R3HDM2: variants seen among roughly 807,000 people sequenced by gnomAD.
R3HDM2 encodes R3H domain containing 2.
A neutral mutation model predicts 124.5 loss-of-function variants in R3HDM2; 38 were observed. The observed-to-expected ratio is 0.31, with a 90% confidence interval of 0.24 to 0.40. The LOEUF is 0.40. Ranked by LOEUF, R3HDM2 falls within the 10% of genes least tolerant of loss-of-function variation. The probability of loss-of-function intolerance (pLI) is 1.00; values close to 1 mark genes in which losing one functional copy is unlikely to be tolerated. For missense variants in R3HDM2, 869 were observed against 1,236.9 expected, an observed-to-expected ratio of 0.70 and a Z score of 4.46; for synonymous variants, 391 against 448.0, an observed-to-expected ratio of 0.87 and a Z score of 1.61.
At position 57,296,259 on chromosome 12, in the gene R3HDM2, CT is replaced by C. The variant is rs1354302192; in HGVS notation, c.701+151del. On this transcript the variant is annotated intron_variant, in intron 9 of 23. Coordinates refer to ENST00000402412, the MANE Select transcript of R3HDM2 (RefSeq NM_001394031.1). The surrounding 1 kb of genome is among the most constrained non-coding windows in gnomAD (Gnocchi z 4.5). ...TCTCGAACTCCTGGCTTCAAGCAGT[CT>C]TCCCATCTTGGCCTCCCAAAGTGCT... Among the ~76,000 whole-genome samples, 1 of 151,858 alleles carries C rather than the reference CT, an allele frequency of 6.6e-6. No individual in the cohort carries two copies. The highest frequency in any genetic ancestry group is 1.5e-5 in the Non-Finnish European group (1 of 67,986).
intron 3 of R3HDM2, chr12:57,305,703 T>C (rs1305793921): frequency 2.5e-6 from 1 of 398,764 alleles, no homozygotes; most frequent in Non-Finnish European, 4.4e-6. Context: ...ATACAGTACA[T>C]TAAGTGTACT....
At chr12:57,427,274 G>A (rs1243442671) in intron 1 of R3HDM2, among the ~76,000 whole-genome samples, 1 of 147,908 alleles carries the variant, frequency 6.8e-6, no homozygotes, top group Admixed American at 6.9e-5. Flanking sequence ...CTGGGCGACA[G>A]ACAGAGGTTC....
At chr12:57,258,697 CA>C (rs2137014872) in intron 20 of R3HDM2, among the ~76,000 whole-genome samples, 192 bp downstream of exon 20, 1 of 152,248 alleles carries the variant, frequency 6.6e-6, no homozygotes, top group African/African-American at 2.4e-5. Flanking sequence ...TGAGCATTTT[CA>C]AGTGTGTATC....
chr12:57,430,712 G>T lies in R3HDM2; in HGVS notation c.-106+8C>A, dbSNP rs1869697864. The stretch of plus-strand genomic sequence containing the variant: ...CCGCCCGCCCCCTCGGCCGGGAGGT[G>T]GCCTCACCTCGCACGGGCCTTGGCG... On this transcript the variant is annotated splice_region_variant and intron_variant, in intron 1 of 23. Transcript: ENST00000402412. 2 of 426,408 alleles carry T rather than the reference G, an allele frequency of 4.7e-6. No individual in the cohort carries two copies. The highest frequency in any genetic ancestry group is 6.2e-6 in the Non-Finnish European group (2 of 320,538). 26.4% of individuals were successfully genotyped at this position (426,408 alleles called of 1,614,324 possible).
chr12:57,396,777 C>CA (rs35199480), intron 1 of R3HDM2, among the ~76,000 whole-genome samples: 57 of 104,836 alleles, frequency 5.4e-4, no homozygotes, highest in African/African-American at 1.8e-3. Flanking sequence ...GACTCTGTCT[C>CA]AAAAAAAAAA....
At chr12:57,320,602 A>G (rs1044997558) in intron 2 of R3HDM2, among the ~76,000 whole-genome samples, 5 of 152,224 alleles carry the variant, frequency 3.3e-5, no homozygotes, top group Non-Finnish European at 7.4e-5. Flanking sequence ...GGGGACTGTG[A>G]GATGTCGGGG....
At position 57,258,042 on chromosome 12, in the gene R3HDM2, G is replaced by A. The variant is rs1442774775; in HGVS notation, c.2397C>T (p.Leu799=). The A allele has an allele frequency of 8.1e-6, 13 of 1,598,040 alleles. No individual in the cohort carries two copies. In the South Asian group the frequency reaches 1.2e-4, roughly 15 times the overall value. The part of the protein sequence containing the change: ...VTSLSSVCTG[L]SPLPVLTQFP... Reference sequence around the variant, plus strand: ...ACTGTGTGAGGACAGGCAGGGGACTGAGTCCTGTGCAGACACTGCTGAGGC... The same window carrying A: ...ACTGTGTGAGGACAGGCAGGGGACTAAGTCCTGTGCAGACACTGCTGAGGC... Residue 799 remains leucine (L), a synonymous_variant, in exon 21 of 24, where the codon CTC becomes CTT. Coordinates refer to ENST00000402412, the MANE Select transcript of R3HDM2 (RefSeq NM_001394031.1).
chr12:57,262,922 A>C (rs11172139), intron 19 of R3HDM2, among the ~76,000 whole-genome samples: 57,310 of 152,038 alleles, frequency 0.38, 12,180 homozygotes, highest in Middle Eastern at 0.75. Flanking sequence ...AAAGGAGATA[A>C]AACTGAGAAA....
intron 2 of R3HDM2, among the ~76,000 whole-genome samples, chr12:57,390,499 A>G (rs1169398495): frequency 6.6e-6 from 1 of 151,672 alleles, no homozygotes; most frequent in Admixed American, 6.6e-5. Context: ...GGAGTTCAAG[A>G]CCAGCTTGGC....
At position 57,269,838 on chromosome 12, in the gene R3HDM2, G is replaced by A. The variant is rs2043202906; in HGVS notation, c.1501C>T (p.Pro501Ser). The change falls in exon 15 of 24, where the codon CCC becomes TCC. Residue 501 changes from proline to serine, a missense_variant. Physicochemically the swap from Pro to Ser is moderately conservative, Grantham distance 74. Coordinates refer to ENST00000402412, the MANE Select transcript of R3HDM2 (RefSeq NM_001394031.1). ...FIMASTGQPL[P>S]TSNYSTSSHA... The stretch of plus-strand genomic sequence containing the variant: ...CTAGAGGTGGAATAGTTGGAAGTGG[G>A]GAGGGGCTGACCCGTGGAAGCCATG... 2.5e-6 allele frequency: 4 copies of A among 1,614,142 alleles called. No homozygotes were observed. The highest frequency in any genetic ancestry group is 3.4e-6 in the Non-Finnish European group (4 of 1,180,014).
chr12:57,345,164 A>AT (rs1012036756), intron 2 of R3HDM2, among the ~76,000 whole-genome samples: 2 of 152,088 alleles, frequency 1.3e-5, no homozygotes, highest in Admixed American at 6.6e-5. Flanking sequence ...GGGAAAAAAA[A>AT]ACCAGATCAT....
At chr12:57,376,224 C>T (rs1398013851) in intron 2 of R3HDM2, among the ~76,000 whole-genome samples, 1 of 152,246 alleles carries the variant, frequency 6.6e-6, no homozygotes, top group African/African-American at 2.4e-5. Context: ...CCTGAAGAGC[C>T]TTACTCGACT....
rs375996467 is a variant in R3HDM2 at position 57,402,765 on chromosome 12, G to A, written c.-105-6947C>T. 7.9e-5 allele frequency among the ~76,000 whole-genome samples: 12 copies of A among 151,736 alleles called. No individual in the cohort carries two copies. The East Asian group carries it at 1.2e-3, about 15-fold the overall frequency. ...AGTCTGGGCAACAAAGCAGGACTCTGTCTCCAAAAAAAAACTCCTGGCCTC... is the reference window on the plus strand; with the variant it reads ...AGTCTGGGCAACAAAGCAGGACTCTATCTCCAAAAAAAAACTCCTGGCCTC... On this transcript the variant is annotated intron_variant, in intron 1 of 23. Coordinates refer to ENST00000402412, the MANE Select transcript of R3HDM2 (RefSeq NM_001394031.1).
intron 2 of R3HDM2, among the ~76,000 whole-genome samples, chr12:57,330,053 G>A (rs1184956086): frequency 6.6e-6 from 1 of 152,024 alleles, no homozygotes; most frequent in Non-Finnish European, 1.5e-5. Flanking sequence ...CGCAACCTCC[G>A]CCTCCCGGGT....
intron 2 of R3HDM2, among the ~76,000 whole-genome samples, chr12:57,343,704 C>A (rs1255863601): frequency 7.1e-6 from 1 of 140,574 alleles, no homozygotes; most frequent in African/African-American, 2.7e-5. Context: ...TTACTATGGA[C>A]AGGAACTAAG....
intron 1 of R3HDM2, among the ~76,000 whole-genome samples, chr12:57,423,569 T>C (rs1460601388): frequency 1.3e-5 from 2 of 151,940 alleles, no homozygotes; most frequent in South Asian, 2.1e-4. Context: ...CCCAGCACTT[T>C]GGGAGGCCGA....
chr12:57,359,745 CCT>C (rs2061661277), intron 2 of R3HDM2, among the ~76,000 whole-genome samples: 1 of 149,280 alleles, frequency 6.7e-6, no homozygotes, highest in Admixed American at 6.9e-5. Context: ...TGTTCATTTT[CCT>C]TTTTCTCTCA....
At chr12:57,399,088 C>T (rs1398531130) in intron 1 of R3HDM2, among the ~76,000 whole-genome samples, 1 of 152,138 alleles carries the variant, frequency 6.6e-6, no homozygotes, top group Non-Finnish European at 1.5e-5. Context: ...CTGAACTCAG[C>T]CATCTGACTA....
intron 4 of R3HDM2, among the ~76,000 whole-genome samples, chr12:57,301,927 G>A (rs572485975): frequency 6.6e-6 from 1 of 152,330 alleles, no homozygotes; most frequent in East Asian, 1.9e-4. Flanking sequence ...AATCTGTGAT[G>A]TGCTAAGTTT....
Sources: allele counts gnomAD v4.1 joint callset (sites outside exome capture counted in the v4.1 genomes callset), GRCh38; gene constraint gnomAD v4.1.1; non-coding constraint Gnocchi (gnomAD v3.1); transcripts MANE v1.5; gene names NCBI Gene and HGNC (gene_info 2026-07-23, HGNC 2026-07-21).